Variants in NDUFA10 observed in about 807,000 individuals in gnomAD.
NDUFA10 encodes the protein NADH:ubiquinone oxidoreductase subunit A10.
In NDUFA10, 40 loss-of-function variants were observed where a neutral mutation model predicts 47.8. The ratio of observed to expected loss-of-function variants is 0.84; its 90% CI spans 0.65 to 1.09. The LOEUF (loss-of-function observed/expected upper bound fraction) is 1.09. Among genes scored for constraint, NDUFA10 ranks in the 50% least tolerant of loss-of-function variants. The pLI, the probability that NDUFA10 is intolerant of heterozygous loss-of-function variation, is 0.00. For synonymous variants in NDUFA10, 183 were observed against 172.2 expected (o/e 1.06, Z -0.49); for missense variants, 413 against 451.1 (o/e 0.92, Z 0.76).
intron 9 of NDUFA10, chr2:239,982,119 AGACC>A (rs1330336285): frequency 6.2e-7 from 1 of 1,612,740 alleles, no homozygotes; most frequent in Non-Finnish European, 8.5e-7. Flanking sequence ...GTGTACCTGA[AGACC>A]GATGAGAAGG....
chr2:239,899,775 G>C (rs1693509503), intron 4 of NDUFA10, among the ~76,000 whole-genome samples: 1 of 151,872 alleles, frequency 6.6e-6, no homozygotes, highest in South Asian at 2.1e-4. Flanking sequence ...CAGCCCAGAT[G>C]TAAAAACAGA....
intron 4 of NDUFA10, among the ~76,000 whole-genome samples, chr2:239,911,138 G>A (rs1283529517): frequency 6.6e-6 from 1 of 151,362 alleles, no homozygotes; most frequent in Non-Finnish European, 1.5e-5. Flanking sequence ...AGTCCCCTTG[G>A]AATGGGTTCT....
chr2:239,944,952 G>A (rs995602331), intron 4 of NDUFA10, among the ~76,000 whole-genome samples: 19 of 144,456 alleles, frequency 1.3e-4, no homozygotes, highest in South Asian at 4.2e-4. Flanking sequence ...GCTGCACCCC[G>A]CGCCCAGAGC....
In NDUFA10 at chr2:239,959,574, CCAATT is replaced by C. The variant is rs1694762652; in HGVS notation, c.*1539_*1543del. ...AACTTCAGCCACTTAAATCTCGACT[CCAATT>C]CAAAACTCCTGGGAAACTTTATTTT... On this transcript the variant is annotated 3_prime_UTR_variant, in exon 10 of 10. Coordinates refer to ENST00000252711, the MANE Select transcript of NDUFA10 (RefSeq NM_004544.4). 1 of 985,454 alleles carries C rather than the reference CCAATT, an allele frequency of 1.0e-6. No homozygotes were observed. Among genetic ancestry groups the C allele is most frequent in the Non-Finnish European group, 1.2e-6 (1 of 829,962 alleles). 61.0% of individuals were successfully genotyped at this position (985,454 alleles called of 1,614,324 possible). A position where few individuals can be genotyped will look rare whatever the true frequency, so the allele number is the denominator to read the frequency against.
At chr2:240,017,712 G>C (rs1221454560) in intron 4 of NDUFA10, 6 of 889,170 alleles carry the variant, frequency 6.7e-6, no homozygotes, top group Non-Finnish European at 1.1e-5. Context: ...CAGAAGCACG[G>C]GCTTGCAGTG....
At chr2:239,946,284 G>A (rs910333076) in intron 4 of NDUFA10, among the ~76,000 whole-genome samples, 26 of 152,298 alleles carry the variant, frequency 1.7e-4, no homozygotes, top group Admixed American at 2.6e-4. Context: ...CCACAGCTCC[G>A]GCCCCAGCCC....
chr2:239,895,367 C>T lies in NDUFA10; in HGVS notation c.295-53G>A, dbSNP rs1377747864. ...GAGCATATGAGTGAGGAGGGGAGCC[C>T]GAGCTCTGTGCAGGTGTAGGTGGGG... On this transcript the variant is annotated intron_variant, in intron 4 of 5. Transcript: ENST00000419408. The T allele has an allele frequency of 2.2e-5, 9 of 404,738 alleles. No individual in the cohort carries two copies. The East Asian group carries it at 5.7e-4, about 26-fold the overall frequency. 25.1% of individuals were successfully genotyped at this position (404,738 alleles called of 1,614,324 possible).
Position 240,014,645 on chromosome 2 carries a change from T to C in NDUFA10, c.669+94A>G, listed in dbSNP as rs1697265658. 3.8e-6 allele frequency: 6 copies of C among 1,565,742 alleles called. No individual in the cohort carries two copies. The Admixed American group carries it at 8.4e-5, about 22-fold the overall frequency. ...GTGTCACCCTCCTCGTGAGGACTGGTAGGAATTAGTATAAATGCTATTAAA... is the reference window on the plus strand; with the variant it reads ...GTGTCACCCTCCTCGTGAGGACTGGCAGGAATTAGTATAAATGCTATTAAA... On this transcript the variant is annotated intron_variant, in intron 5 of 9. Coordinates refer to ENST00000252711, the MANE Select transcript of NDUFA10 (RefSeq NM_004544.4).
intron 4 of NDUFA10, among the ~76,000 whole-genome samples, chr2:239,938,854 C>T (rs1201939852): frequency 7.3e-6 from 1 of 136,672 alleles, no homozygotes; most frequent in Non-Finnish European, 1.7e-5. Context: ...TGCACAAGTG[C>T]ATGAGCTGAG....
rs955399107 is a variant in NDUFA10 at position 239,960,981 on chromosome 2, G to C, written c.*137C>G. ...TATACTACAGGATGGATTGCTTTTT[G>C]TGAGACCCCTTCTTCCACTGTGCAA... On this transcript the variant is annotated 3_prime_UTR_variant, in exon 10 of 10. Transcript: ENST00000252711. 1 of 1,541,278 alleles carries C rather than the reference G, an allele frequency of 6.5e-7. No homozygotes were observed. Among genetic ancestry groups the C allele is most frequent in the Non-Finnish European group, 8.7e-7 (1 of 1,143,254 alleles).
intron 4 of NDUFA10, among the ~76,000 whole-genome samples, chr2:239,898,100 T>C (rs1181800915): frequency 6.6e-6 from 1 of 152,124 alleles, no homozygotes; most frequent in Admixed American, 6.5e-5. Flanking sequence ...AGCTCACAGA[T>C]GGAGCAAGGA....
Position 239,959,921 on chromosome 2 carries a change from G to T in NDUFA10, c.*1197C>A. On this transcript the variant is annotated 3_prime_UTR_variant, in exon 10 of 10. Transcript: ENST00000252711. Reference sequence around the variant, plus strand: ...TCTTCTTCGCATGCTCCGCAGCAGCGAGGCCTGGTAGAGCTTCCGCGGGGA... The same window carrying T: ...TCTTCTTCGCATGCTCCGCAGCAGCTAGGCCTGGTAGAGCTTCCGCGGGGA... The T allele has an allele frequency of 1.0e-6, 1 of 985,494 alleles. No homozygotes were observed. Among genetic ancestry groups the T allele is most frequent in the Non-Finnish European group, 1.2e-6 (1 of 829,954 alleles). The allele number at this position is 985,494 out of a possible 1,614,324, so 61.0% of individuals were successfully genotyped here.
intron 8 of NDUFA10, among the ~76,000 whole-genome samples, chr2:239,998,993 C>T (rs972669814): frequency 6.6e-6 from 1 of 152,224 alleles, no homozygotes; most frequent in Non-Finnish European, 1.5e-5. Flanking sequence ...GCTCAGGATG[C>T]TGCACCAGGT....
chr2:240,005,168 T>C, intron 8 of NDUFA10, 42 bp downstream of exon 8: 1 of 1,528,842 alleles, frequency 6.5e-7, no homozygotes, highest in Non-Finnish European at 9.1e-7. Context: ...ATCATGCAAG[T>C]AGACCCCAGA....
At chr2:239,989,591 G>T (rs1696160460) in intron 9 of NDUFA10, among the ~76,000 whole-genome samples, 1 of 152,232 alleles carries the variant, frequency 6.6e-6, no homozygotes, top group Non-Finnish European at 1.5e-5. Flanking sequence ...CACTAAGAAG[G>T]TATGGCAATT....
intron 4 of NDUFA10, among the ~76,000 whole-genome samples, chr2:239,912,335 G>A (rs895964428): frequency 6.6e-6 from 1 of 152,158 alleles, no homozygotes; most frequent in Non-Finnish European, 1.5e-5. Context: ...GGATTCGTGG[G>A]GCCGAGCTGC....
intron 6 of NDUFA10, among the ~76,000 whole-genome samples, chr2:240,007,754 C>T (rs970946547): frequency 1.3e-5 from 2 of 152,192 alleles, no homozygotes; most frequent in African/African-American, 4.8e-5. Context: ...GGAAGGACAA[C>T]GAAGCCCAGG....
At chr2:239,963,964 G>C (rs1422979411) in intron 9 of NDUFA10, among the ~76,000 whole-genome samples, 1 of 152,216 alleles carries the variant, frequency 6.6e-6, no homozygotes, top group Non-Finnish European at 1.5e-5. Flanking sequence ...GAGGAGCGGG[G>C]TGGGAAAAGA....
At chr2:239,970,198 C>G (rs1039802276) in intron 9 of NDUFA10, among the ~76,000 whole-genome samples, 2 of 152,166 alleles carry the variant, frequency 1.3e-5, no homozygotes, top group African/African-American at 4.8e-5. Flanking sequence ...CTAGGAAGAA[C>G]TGCAGTCTTC....
Sources: allele counts gnomAD v4.1 joint callset (sites outside exome capture counted in the v4.1 genomes callset), GRCh38; gene constraint gnomAD v4.1.1; transcripts MANE v1.5; gene names NCBI Gene and HGNC (gene_info 2026-07-23, HGNC 2026-07-21).